CCDC187: variants seen among roughly 807,000 people sequenced by gnomAD.
CCDC187 encodes the protein coiled-coil domain-containing protein 187.
CCDC187 carries 32 observed loss-of-function variants against 38.0 expected under a neutral mutation model. That is an observed-to-expected ratio of 0.84 (90% CI 0.64 to 1.13). The LOEUF is 1.13. CCDC187 is among the 50% of genes most tolerant of loss of function. The pLI is 0.00. For missense variants in CCDC187, 707 were observed against 786.8 expected (o/e 0.90, Z 1.21); for synonymous variants, 333 against 347.9 (o/e 0.96, Z 0.48).
At chr9:136,303,318 G>C in intron 1 of CCDC187, 25 bp from the exon 2 acceptor site, 1 of 396,954 alleles carries the variant, frequency 2.5e-6, no homozygotes, top group Non-Finnish European at 4.4e-6. Flanking sequence ...CAGACATGCC[G>C]GTCAGACATG....
chr9:136,290,098 C>T (rs1831281469), intron 6 of CCDC187, 45 bp from the exon 7 acceptor site: 1 of 398,554 alleles, frequency 2.5e-6, no homozygotes, highest in Admixed American at 4.4e-5. Context: ...CTCGGGAAGA[C>T]CACACGCCCC....
intron 10 of CCDC187, among the ~76,000 whole-genome samples, chr9:136,278,628 G>A (rs1830978807): frequency 6.6e-6 from 1 of 152,204 alleles, no homozygotes; most frequent in Non-Finnish European, 1.5e-5. Context: ...TAGTGATGAT[G>A]TTAACTAGCT....
intron 9 of CCDC187, among the ~76,000 whole-genome samples, chr9:136,285,243 C>T (rs952876876): frequency 3.3e-5 from 5 of 152,100 alleles, no homozygotes; most frequent in African/African-American, 9.7e-5. Flanking sequence ...GCACCAGTGG[C>T]GTCCCCGAGG....
intron 2 of CCDC187, among the ~76,000 whole-genome samples, chr9:136,300,949 T>C (rs1197295832): frequency 6.6e-6 from 1 of 152,210 alleles, no homozygotes; most frequent in Non-Finnish European, 1.5e-5. Flanking sequence ...GGCCTGAGAA[T>C]GCATCCAGTG....
rs1053405445 is a variant in CCDC187 at position 136,291,120 on chromosome 9, G to C, written c.1493C>G (p.Ala498Gly). 5.8e-5 allele frequency: 23 copies of C among 397,872 alleles called. No individual in the cohort carries two copies. Among genetic ancestry groups the C allele is most frequent in the Non-Finnish European group, 8.9e-5 (20 of 225,880 alleles). 24.6% of individuals were successfully genotyped at this position (397,872 alleles called of 1,614,324 possible). Reference sequence around the variant, plus strand: ...CCCCCAGGCCCTCTGCGGACTGCAGGCCTGCCCAGCCAGTGCACTCCAGGG... The same window carrying C: ...CCCCCAGGCCCTCTGCGGACTGCAGCCCTGCCCAGCCAGTGCACTCCAGGG... ...QRPWSALAGQ[A>G]CSPQRAWGAQ... Residue 498 changes from alanine (A) to glycine (G), a missense_variant, in exon 6 of 26, where the codon GCC becomes GGC. Transcript: ENST00000638797.
At chr9:136,269,200 T>C (rs1830799523) in intron 14 of CCDC187, among the ~76,000 whole-genome samples, 1 of 152,218 alleles carries the variant, frequency 6.6e-6, no homozygotes, top group Non-Finnish European at 1.5e-5. Flanking sequence ...CCCAGGTCAC[T>C]GGGCAGGCAG....
intron 14 of CCDC187, among the ~76,000 whole-genome samples, chr9:136,273,063 A>G (rs1554762650): frequency 6.6e-6 from 1 of 152,198 alleles, no homozygotes; most frequent in Non-Finnish European, 1.5e-5. Flanking sequence ...GGAATCATTA[A>G]AAACATTGCT....
intron 17 of CCDC187, chr9:136,265,619 A>G (rs1264484229): frequency 6.6e-6 from 1 of 152,268 alleles, no homozygotes; most frequent in African/African-American, 2.4e-5. Context: ...TGAGGCTCCA[A>G]GAGACAAAGC....
chr9:136,304,813 A>G (rs1445426352), upstream of CCDC187, among the ~76,000 whole-genome samples: 2 of 152,340 alleles, frequency 1.3e-5, no homozygotes, highest in East Asian at 3.9e-4. Flanking sequence ...GATCATGAGC[A>G]CGGATTTGTT....
intron 14 of CCDC187, among the ~76,000 whole-genome samples, chr9:136,274,254 C>T (rs1311665110): frequency 6.6e-6 from 1 of 152,236 alleles, no homozygotes; most frequent in Non-Finnish European, 1.5e-5. Flanking sequence ...CCGACAGCAG[C>T]CTGTGCTCAC....
chr9:136,281,370 G>T (rs983100674), intron 10 of CCDC187, 181 bp downstream of exon 10: 1 of 398,522 alleles, frequency 2.5e-6, no homozygotes, highest in Non-Finnish European at 4.4e-6. Flanking sequence ...CACAGAGCAC[G>T]CAGAGGGTCC....
rs553201300 is a variant in CCDC187, at chr9:136,255,217, C to G, written c.4694-83G>C. On this transcript the variant is annotated intron_variant, in intron 25 of 25. Transcript: ENST00000638797. ...CCCACGACCCCCAAAGCCAGGAGGT[C>G]AGAACAGAGAAACACCCTGAACAGA... is the stretch of plus-strand genomic sequence containing the variant. The G allele has an allele frequency of 7.2e-6, 5 of 694,448 alleles. No individual in the cohort carries two copies. The East Asian group carries it at 6.7e-4, about 92-fold the overall frequency. 43.0% of individuals were successfully genotyped at this position (694,448 alleles called of 1,614,324 possible).
chr9:136,293,486 A>AAC (rs1247908347), intron 4 of CCDC187, among the ~76,000 whole-genome samples: 630 of 51,514 alleles, frequency 0.012, 12 homozygotes, highest in Middle Eastern at 0.021. Flanking sequence ...CACACTCACA[A>AAC]ACACATGCTC....
chr9:136,283,773 G>A (rs929635479), intron 9 of CCDC187, among the ~76,000 whole-genome samples: 84 of 152,294 alleles, frequency 5.5e-4, no homozygotes, highest in African/African-American at 1.3e-3. Context: ...CCGGGAGCCC[G>A]GGGCACTGAA....
Position 136,291,219 on chromosome 9 carries a change from C to A in CCDC187, c.1394G>T (p.Gly465Val). 1 of 398,790 alleles carries A rather than the reference C, an allele frequency of 2.5e-6. No homozygotes were observed. Among genetic ancestry groups the A allele is most frequent in the Admixed American group, 4.4e-5 (1 of 22,750 alleles). The allele number at this position is 398,790 out of a possible 1,614,324, so 24.7% of individuals were successfully genotyped here. ...ARESCPQRAW[G>V]AQGQDRSFQR... ...GAAGGAGCGGTCCTGTCCTTGGGCC[C>A]CCCAGGCCCTCTGCGGACAGGACTC... The change falls in exon 6 of 26, where the codon GGG (glycine) becomes GTG (valine). Residue 465 changes from glycine to valine, a missense_variant. Transcript: ENST00000638797.
chr9:136,251,039 G>T lies in CCDC187; in HGVS notation c.*2555C>A, dbSNP rs1554759316. 4.4e-6 allele frequency: 2 copies of T among 456,238 alleles called. No individual in the cohort carries two copies. 28.3% of individuals were successfully genotyped at this position (456,238 alleles called of 1,614,324 possible). Reference sequence around the variant, plus strand: ...GCTTTGTGATGCCTCCCACCAGACTGCATGCATAAAGTCTGGAGTATGCTC... The same window carrying T: ...GCTTTGTGATGCCTCCCACCAGACTTCATGCATAAAGTCTGGAGTATGCTC... On this transcript the variant is annotated 3_prime_UTR_variant, in exon 26 of 26. Coordinates refer to ENST00000638797, the MANE Select transcript of CCDC187 (RefSeq NM_001378188.1).
At chr9:136,304,309 G>C (rs1266991740), upstream of CCDC187, among the ~76,000 whole-genome samples, 2 of 152,206 alleles carry the variant, frequency 1.3e-5, no homozygotes, top group African/African-American at 4.8e-5. Context: ...CTGGTTGGTG[G>C]GGGCGGGGCC....
intron 3 of CCDC187, among the ~76,000 whole-genome samples, chr9:136,298,216 C>T (rs949609286): frequency 1.2e-3 from 190 of 152,352 alleles, no homozygotes; most frequent in Admixed American, 2.6e-3. Flanking sequence ...GGACTGTTTG[C>T]TGACTGAATG....
In CCDC187 at chr9:136,258,257, A is replaced by G. The variant is rs1346179201; in HGVS notation, c.4366+675T>C. On this transcript the variant is annotated intron_variant, in intron 22 of 25. Coordinates refer to ENST00000638797, the MANE Select transcript of CCDC187 (RefSeq NM_001378188.1). The surrounding 1 kb of genome is among the most constrained non-coding windows in gnomAD (Gnocchi z 4.3). ...GTGCTTCTGATCTCTTTCCGTCTCA[A>G]CCCATCTGTCCTGAGGTTTGCTCTC... 6.6e-6 allele frequency among the ~76,000 whole-genome samples: 1 copy of G among 152,000 alleles called. No individual in the cohort carries two copies. Among genetic ancestry groups the G allele is most frequent in the Non-Finnish European group, 1.5e-5 (1 of 67,978 alleles).
Sources: gnomAD v4.1 joint callset for allele counts (sites outside exome capture counted in the v4.1 genomes callset) on GRCh38, gnomAD v4.1.1 for gene constraint, Gnocchi (gnomAD v3.1) non-coding constraint, MANE v1.5 for transcripts, NCBI Gene and HGNC (gene_info 2026-07-23, HGNC 2026-07-21) for gene names.